Variants in EPB41L5 observed in about 807,000 individuals in gnomAD.
EPB41L5 encodes the protein erythrocyte membrane protein band 4.1 like 5.
Under a neutral mutation model 106.6 loss-of-function variants are expected in EPB41L5, and 55 were observed. The ratio of observed to expected loss-of-function variants is 0.52; its 90% CI spans 0.42 to 0.65. The LOEUF (loss-of-function observed/expected upper bound fraction) is 0.65. EPB41L5 is among the 30% of genes least tolerant of loss of function. The probability of loss-of-function intolerance (pLI) is 0.00; values close to 1 mark genes in which losing one functional copy is unlikely to be tolerated. For missense variants in EPB41L5, 871 were observed against 882.1 expected (o/e 0.99, Z 0.16); for synonymous variants, 297 against 306.7 (o/e 0.97, Z 0.33).
chr2:120,164,051 C>T (rs1312577483), intron 21 of EPB41L5, among the ~76,000 whole-genome samples: 7 of 127,108 alleles, frequency 5.5e-5, no homozygotes, highest in South Asian at 2.6e-4. Flanking sequence ...GGCGCGATCT[C>T]GGCTCACTGC....
intron 1 of EPB41L5, chr2:120,013,815 G>A (rs1388433888): frequency 6.6e-6 from 1 of 152,152 alleles, no homozygotes; most frequent in Non-Finnish European, 1.5e-5. Flanking sequence ...ACCTAAGAGC[G>A]AGACCCAACT....
rs199499014 is a variant in EPB41L5 at position 120,040,071 on chromosome 2, T to TTA, written c.181-1920_181-1919dup. Among the ~76,000 whole-genome samples the TTA allele has an allele frequency of 8.0e-3, 1,173 of 146,588 alleles. 11 individuals are homozygous for TTA. Among genetic ancestry groups the TTA allele is most frequent in the African/African-American group, 0.023 (923 of 39,628 alleles). On this transcript the variant is annotated intron_variant, in intron 2 of 24. Coordinates refer to ENST00000263713, the MANE Select transcript of EPB41L5 (RefSeq NM_020909.4). Reference sequence around the variant, plus strand: ...CTTTCTGAACTTTTGTCTGTGCTTTTTATATATATATATATACGTATTTAA... The same window carrying TTA: ...CTTTCTGAACTTTTGTCTGTGCTTTTTATATATATATATATATACGTATTTAA...
In EPB41L5 at chr2:120,061,031, G is replaced by GTTTTTTTTTTTTTTTTTT. The variant is rs375754153; in HGVS notation, c.286-12137_286-12120dup. Among the ~76,000 whole-genome samples, 8 of 69,128 alleles carry GTTTTTTTTTTTTTTTTTT rather than the reference G, an allele frequency of 1.2e-4. 1 individual carries two copies. The highest frequency in any genetic ancestry group is 1.8e-4 in the Non-Finnish European group (7 of 39,326). The allele number at this position is 69,128 out of a possible 152,430, so 45.4% of individuals were successfully genotyped here. A position where few individuals can be genotyped will look rare whatever the true frequency, so the allele number is the denominator to read the frequency against. On this transcript the variant is annotated intron_variant, in intron 3 of 24. Transcript: ENST00000263713. The stretch of plus-strand genomic sequence containing the variant: ...TTAGAATTTTAACTGGTTCAGGGAA[G>GTTTTTTTTTTTTTTTTTT]TTTTTTTTTTTTTTTTTTTTTTTTT...
intron 24 of EPB41L5, among the ~76,000 whole-genome samples, chr2:120,171,720 A>G (rs1687681995): frequency 6.6e-6 from 1 of 152,232 alleles, no homozygotes; most frequent in South Asian, 2.1e-4. Flanking sequence ...GAATCTGCCA[A>G]ATAATCACCA....
intron 3 of EPB41L5, among the ~76,000 whole-genome samples, chr2:120,052,563 A>G (rs1045783705): frequency 3.3e-5 from 5 of 152,132 alleles, no homozygotes; most frequent in African/African-American, 7.2e-5. Context: ...TTTTAATTCA[A>G]TGGGTTATAT....
chr2:120,032,293 G>A (rs567243364), intron 2 of EPB41L5, among the ~76,000 whole-genome samples: 2 of 152,224 alleles, frequency 1.3e-5, no homozygotes, highest in African/African-American at 4.8e-5. Flanking sequence ...CAGGAGAATT[G>A]CTTGAAACTG....
intron 3 of EPB41L5, among the ~76,000 whole-genome samples, chr2:120,066,507 A>G (rs990371244): frequency 6.6e-6 from 1 of 152,194 alleles, no homozygotes; most frequent in Non-Finnish European, 1.5e-5. Flanking sequence ...AAAATGCTTT[A>G]ACCAGTTCAC....
At chr2:120,042,868 T>G (rs1425097769) in intron 3 of EPB41L5, among the ~76,000 whole-genome samples, 1 of 152,010 alleles carries the variant, frequency 6.6e-6, no homozygotes, top group Non-Finnish European at 1.5e-5. Context: ...TGGGGAGAGA[T>G]TGAAGTCAGG....
At chr2:120,120,812 T>C (rs1685183850) in intron 16 of EPB41L5, among the ~76,000 whole-genome samples, 1 of 152,174 alleles carries the variant, frequency 6.6e-6, no homozygotes, top group African/African-American at 2.4e-5. Flanking sequence ...TTCTTATTGC[T>C]TCTTCAATTA....
At chr2:120,133,036 G>T (rs1574730845) in intron 18 of EPB41L5, among the ~76,000 whole-genome samples, 1 of 152,144 alleles carries the variant, frequency 6.6e-6, no homozygotes, top group South Asian at 2.1e-4. Context: ...GAAAAGATGA[G>T]GAGGAGTGTG....
intron 3 of EPB41L5, among the ~76,000 whole-genome samples, chr2:120,057,185 TG>T (rs1680715168): frequency 6.6e-6 from 1 of 152,176 alleles, no homozygotes; most frequent in South Asian, 2.1e-4. Context: ...CTACCACGTC[TG>T]GCTGTGTTTT....
chr2:120,022,231 C>T (rs193043904), intron 2 of EPB41L5, among the ~76,000 whole-genome samples: 63 of 152,066 alleles, frequency 4.1e-4, no homozygotes, highest in African/African-American at 1.4e-3. Context: ...ATGTGCAGAA[C>T]GTGCAGGTTT....
chr2:120,143,036 A>G lies in EPB41L5; in HGVS notation c.1633A>G (p.Asn545Asp). ...GGTGAAGTTGACTGAGAAATGCCTT[A>G]ATAATGTCATTGAGAGCCCAGGATT... The part of the protein sequence containing the change: ...EVVKLTEKCL[N>D]NVIESPGLNV... Residue 545 changes from asparagine to aspartate, a missense_variant, in exon 19 of 25, where the codon AAT becomes GAT. Asn to Asp is a conservative substitution (Grantham distance 23, BLOSUM62 1). Coordinates refer to ENST00000263713, the MANE Select transcript of EPB41L5 (RefSeq NM_020909.4). 2 of 1,613,026 alleles carry G rather than the reference A, an allele frequency of 1.2e-6. No individual in the cohort carries two copies. The highest frequency in any genetic ancestry group is 1.7e-6 in the Non-Finnish European group (2 of 1,179,240).
intron 3 of EPB41L5, among the ~76,000 whole-genome samples, chr2:120,059,596 T>G (rs1353604723): frequency 6.6e-6 from 1 of 152,204 alleles, no homozygotes; most frequent in Non-Finnish European, 1.5e-5. Context: ...CAGGAACTCG[T>G]GTCTAGCATA....
At chr2:120,062,979 G>A (rs1258873389) in intron 3 of EPB41L5, among the ~76,000 whole-genome samples, 1 of 152,128 alleles carries the variant, frequency 6.6e-6, no homozygotes, top group Non-Finnish European at 1.5e-5. Context: ...TTTTAAAATA[G>A]AGGGTATTTT....
intron 19 of EPB41L5, among the ~76,000 whole-genome samples, 184 bp downstream of exon 19, chr2:120,143,315 G>A (rs2105495317): frequency 6.6e-6 from 1 of 152,210 alleles, no homozygotes; most frequent in South Asian, 2.1e-4. Context: ...ATAGAAGTGA[G>A]CCTTCAATGT....
chr2:120,101,692 G>T (rs1209193617), intron 16 of EPB41L5: 1 of 152,244 alleles, frequency 6.6e-6, no homozygotes, highest in Admixed American at 6.5e-5. Context: ...CTCAACAGTG[G>T]TTGGTGATTG....
In EPB41L5 at chr2:120,014,789, G is replaced by A. The variant is rs143819227; in HGVS notation, c.-9+1579G>A. 4.6e-5 allele frequency among the ~76,000 whole-genome samples: 7 copies of A among 152,170 alleles called. No homozygotes were observed. The South Asian group carries it at 8.3e-4, about 18-fold the overall frequency. On this transcript the variant is annotated intron_variant, in intron 1 of 24. Transcript: ENST00000263713. ...GAGCAGAGCAAACAGAGGGGAGTAG[G>A]CTGACAGATGGGTCAGGCAAGTAGG... is the stretch of plus-strand genomic sequence containing the variant.
intron 10 of EPB41L5, among the ~76,000 whole-genome samples, chr2:120,079,598 A>G (rs1343022344): frequency 6.6e-6 from 1 of 152,122 alleles, no homozygotes; most frequent in East Asian, 1.9e-4. Context: ...CTGCTCGATA[A>G]AGCCTGTTCT....
Sources: allele counts gnomAD v4.1 joint callset (sites outside exome capture counted in the v4.1 genomes callset), GRCh38; gene constraint gnomAD v4.1.1; transcripts MANE v1.5; gene names NCBI Gene and HGNC (gene_info 2026-07-23, HGNC 2026-07-21).